CYRIB: variants seen among roughly 807,000 people sequenced by gnomAD.
The protein encoded by CYRIB is CYFIP related Rac1 interactor B.
In CYRIB, 8 loss-of-function variants were observed where a neutral mutation model predicts 44.2. The ratio of observed to expected loss-of-function variants is 0.18; its 90% confidence interval spans 0.11 to 0.33. The LOEUF (loss-of-function observed/expected upper bound fraction) is 0.33, where lower values mean the gene tolerates loss of function less well. Ranked by LOEUF, CYRIB falls within the 10% of genes least tolerant of loss-of-function variation. The pLI, the probability that CYRIB is intolerant of heterozygous loss-of-function variation, is 1.00. For synonymous variants in CYRIB, 131 were observed against 127.2 expected, an observed-to-expected ratio of 1.03 and a Z score of -0.20; for missense variants, 185 against 382.8, an observed-to-expected ratio of 0.48 and a Z score of 4.31.
chr8:129,983,099 A>G (rs1416820506), intron 1 of CYRIB, among the ~76,000 whole-genome samples: 2 of 151,798 alleles, frequency 1.3e-5, no homozygotes, highest in Non-Finnish European at 2.9e-5. Context: ...GTTTGAGCCC[A>G]GGCGCTCAAG....
chr8:129,884,646 T>G (rs192938425), intron 2 of CYRIB, among the ~76,000 whole-genome samples: 1 of 152,336 alleles, frequency 6.6e-6, no homozygotes, highest in African/African-American at 2.4e-5. Context: ...AGGTAACAAA[T>G]ATTATCATTT....
At chr8:129,854,414 C>A in intron 6 of CYRIB, 71 bp from the exon 9 acceptor site, 4 of 1,135,812 alleles carry the variant, frequency 3.5e-6, no homozygotes, top group South Asian at 1.4e-5. Context: ...AGTAAAAAAT[C>A]TTTAGTTTTA....
intron 1 of CYRIB, among the ~76,000 whole-genome samples, chr8:130,006,159 C>T (rs1056957814): frequency 9.9e-5 from 15 of 151,524 alleles, no homozygotes; most frequent in African/African-American, 3.4e-4. Flanking sequence ...AAAAATTAGC[C>T]GGGCATGGTG....
intron 2 of CYRIB, among the ~76,000 whole-genome samples, chr8:129,947,226 T>G (rs1438352953): frequency 6.6e-6 from 1 of 152,032 alleles, no homozygotes. Flanking sequence ...CTCAGCTAAT[T>G]TTTTCATATT....
chr8:129,854,546 G>A (rs2045116812), intron 6 of CYRIB, among the ~76,000 whole-genome samples: 1 of 152,298 alleles, frequency 6.6e-6, no homozygotes, highest in Middle Eastern at 3.4e-3. Context: ...ACCACAGGCA[G>A]TATACTTTCC....
chr8:129,907,500 A>T (rs1259521408), intron 1 of CYRIB, among the ~76,000 whole-genome samples: 1 of 152,154 alleles, frequency 6.6e-6, no homozygotes, highest in Admixed American at 6.5e-5. Context: ...GTAAATGACG[A>T]GTTAATGGGT....
chr8:129,912,870 T>C (rs837080), intron 1 of CYRIB, among the ~76,000 whole-genome samples: 62,805 of 151,842 alleles, frequency 0.41, 14,132 homozygotes, highest in East Asian at 0.55. Flanking sequence ...AAGTGTGTTC[T>C]CTACTGCTGT....
At chr8:129,984,833 G>C (rs143792460) in intron 1 of CYRIB, among the ~76,000 whole-genome samples, 747 of 152,192 alleles carry the variant, frequency 4.9e-3, no homozygotes, top group Non-Finnish European at 7.9e-3. Flanking sequence ...GGAGTGCAAT[G>C]GCGCGATTTC....
intron 1 of CYRIB, among the ~76,000 whole-genome samples, chr8:129,931,887 A>T (rs577517283): frequency 6.6e-6 from 1 of 152,214 alleles, no homozygotes; most frequent in African/African-American, 2.4e-5. Context: ...TCAGCCTCCC[A>T]AATTGCTGGG....
chr8:129,937,775 A>C (rs1030715317), intron 1 of CYRIB, among the ~76,000 whole-genome samples: 2 of 152,208 alleles, frequency 1.3e-5, no homozygotes, highest in African/African-American at 4.8e-5. Flanking sequence ...TATATCCTAG[A>C]ACATTTTACA....
At chr8:130,015,157 A>G (rs2005030) in intron 1 of CYRIB, among the ~76,000 whole-genome samples, 69,692 of 152,018 alleles carry the variant, frequency 0.46, 16,657 homozygotes, top group East Asian at 0.6. Context: ...TGCTCCCTGG[A>G]GATCCTGGAT....
Position 129,947,206 on chromosome 8 carries a change from T to C in CYRIB, c.-243+23737A>G, listed in dbSNP as rs556454433. Among the ~76,000 whole-genome samples the C allele has an allele frequency of 4.5e-4, 69 of 152,158 alleles. No individual in the cohort carries two copies. In the South Asian group the frequency reaches 1.0e-2, roughly 22 times the overall value. ...CCAAGTGGCTGGGACTACAGGCACA[T>C]GCCATCATGCTCAGCTAATTTTTTC... On this transcript the variant is annotated intron_variant, in intron 2 of 14. Transcript: ENST00000401979.
intron 1 of CYRIB, among the ~76,000 whole-genome samples, chr8:129,930,929 A>C (rs1229201522): frequency 6.6e-6 from 1 of 152,176 alleles, no homozygotes; most frequent in Non-Finnish European, 1.5e-5. Flanking sequence ...AATGAAGTTG[A>C]CTTCTCCATA....
intron 1 of CYRIB, among the ~76,000 whole-genome samples, chr8:129,986,204 G>C (rs150854423): frequency 1.3e-5 from 2 of 152,198 alleles, no homozygotes; most frequent in Non-Finnish European, 2.9e-5. Flanking sequence ...GAGGGACAAG[G>C]TTTCAATAAA....
At chr8:129,893,454 TA>T (rs2066354378) in intron 2 of CYRIB, among the ~76,000 whole-genome samples, 3 of 152,170 alleles carry the variant, frequency 2.0e-5, no homozygotes, top group Admixed American at 2.0e-4. Flanking sequence ...GTAAAGTAAA[TA>T]AAAGCTTCCC....
intron 2 of CYRIB, among the ~76,000 whole-genome samples, chr8:129,958,161 A>G (rs1268480359): frequency 3.3e-5 from 5 of 151,778 alleles, no homozygotes; most frequent in Non-Finnish European, 5.9e-5. Context: ...GTCTCTGGGG[A>G]AAAAAAATAT....
upstream of CYRIB, among the ~76,000 whole-genome samples, chr8:130,016,856 T>G (rs2097358486): frequency 6.6e-6 from 1 of 151,912 alleles, no homozygotes; most frequent in Non-Finnish European, 1.5e-5. Context: ...CGCGCTGCGA[T>G]TGGGGGTCAT....
chr8:129,888,151 C>G (rs2063535919), intron 2 of CYRIB, among the ~76,000 whole-genome samples: 1 of 152,150 alleles, frequency 6.6e-6, no homozygotes. Context: ...TGGGAGTGGA[C>G]TTCCCCCTTG....
At chr8:129,862,519 G>A (rs1256106493) in intron 4 of CYRIB, among the ~76,000 whole-genome samples, 185 bp from the exon 7 acceptor site, 1 of 152,044 alleles carries the variant, frequency 6.6e-6, no homozygotes, top group Non-Finnish European at 1.5e-5. Flanking sequence ...TGCCCAGGCT[G>A]AAGTGCAGTG....
Sources: allele counts gnomAD v4.1 joint callset (sites outside exome capture counted in the v4.1 genomes callset), GRCh38; gene constraint gnomAD v4.1.1; transcripts MANE v1.5; gene names NCBI Gene and HGNC (gene_info 2026-07-23, HGNC 2026-07-21).